NBAS: variants seen among roughly 807,000 people sequenced by gnomAD.
NBAS encodes the protein NAG/BC035112 fusion.
A neutral mutation model predicts 302.5 loss-of-function variants in NBAS; 219 were observed. The observed-to-expected ratio is 0.72, with a 90% confidence interval of 0.65 to 0.81. NBAS has a LOEUF of 0.81. Ranked by LOEUF, NBAS falls within the 30% of genes least tolerant of loss-of-function variation. NBAS has a pLI of 0.00. For synonymous variants in NBAS, 1,118 were observed against 1,021.6 expected (o/e 1.09, Z -1.80); for missense variants, 2,932 against 2,841.6 (o/e 1.03, Z -0.72).
the NBAS span, among the ~76,000 whole-genome samples, chr2:14,926,588 G>C: frequency 6.6e-6 from 1 of 152,042 alleles, no homozygotes. Flanking sequence ...TAAATTATGC[G>C]TAACATAAAA....
chr2:15,256,012 G>C (rs1668574207), intron 44 of NBAS, among the ~76,000 whole-genome samples: 1 of 151,936 alleles, frequency 6.6e-6, no homozygotes, highest in Non-Finnish European at 1.5e-5. Context: ...TTTGTTTTTT[G>C]TTTAGTCTTG....
chr2:15,424,744 C>A (rs1384917026), intron 22 of NBAS, among the ~76,000 whole-genome samples: 1 of 152,080 alleles, frequency 6.6e-6, no homozygotes, highest in Non-Finnish European at 1.5e-5. Context: ...CAAATAAGTA[C>A]TAACAAAATC....
chr2:14,787,081 C>T, the NBAS span, among the ~76,000 whole-genome samples: 2 of 152,028 alleles, frequency 1.3e-5, no homozygotes, highest in South Asian at 2.1e-4. Context: ...ATGTAATGGC[C>T]TCTTTGTCTC....
the NBAS span, among the ~76,000 whole-genome samples, chr2:14,961,392 T>A: frequency 6.6e-6 from 1 of 151,816 alleles, no homozygotes; most frequent in South Asian, 2.1e-4. Flanking sequence ...AAGTAATGAG[T>A]GAGTTACTGC....
chr2:14,964,107 G>A, the NBAS span, among the ~76,000 whole-genome samples: 2 of 152,142 alleles, frequency 1.3e-5, no homozygotes, highest in Admixed American at 1.3e-4. Flanking sequence ...ACCAAACACT[G>A]AACAAGGTAA....
the NBAS span, among the ~76,000 whole-genome samples, chr2:14,936,737 A>T: frequency 6.6e-6 from 1 of 152,272 alleles, no homozygotes; most frequent in Admixed American, 6.5e-5. Flanking sequence ...TACGTGCTGG[A>T]AAGACACAGG....
chr2:14,900,382 C>T, the NBAS span, among the ~76,000 whole-genome samples: 1 of 151,414 alleles, frequency 6.6e-6, no homozygotes, highest in African/African-American at 2.4e-5. Context: ...TACTCTGTTC[C>T]AAGAAGAAAA....
At chr2:14,846,384 T>C in the NBAS span, among the ~76,000 whole-genome samples, 2 of 149,340 alleles carry the variant, frequency 1.3e-5, no homozygotes, top group African/African-American at 2.5e-5. Context: ...AGACAAAAGC[T>C]GAGGGATTTC....
At chr2:15,285,081 A>G (rs763919124) in intron 42 of NBAS, among the ~76,000 whole-genome samples, 1 of 152,208 alleles carries the variant, frequency 6.6e-6, no homozygotes, top group Non-Finnish European at 1.5e-5. Context: ...ATATTTTTAA[A>G]TGCCAGTGTG....
At chr2:15,110,632 A>C in the NBAS span, among the ~76,000 whole-genome samples, 1 of 152,136 alleles carries the variant, frequency 6.6e-6, no homozygotes, top group African/African-American at 2.4e-5. Flanking sequence ...CTGTCAGAGG[A>C]TATCCCTCTC....
the NBAS span, among the ~76,000 whole-genome samples, chr2:15,034,687 T>A: frequency 6.6e-6 from 1 of 152,156 alleles, no homozygotes; most frequent in Non-Finnish European, 1.5e-5. Context: ...TACTCCCTAG[T>A]ATTTTTTTCT....
chr2:15,100,164 G>A, the NBAS span, among the ~76,000 whole-genome samples: 1 of 152,138 alleles, frequency 6.6e-6, no homozygotes, highest in African/African-American at 2.4e-5. Context: ...CATTCTGGGG[G>A]CCCTGATGTA....
At chr2:14,906,731 T>C in the NBAS span, among the ~76,000 whole-genome samples, 1 of 152,160 alleles carries the variant, frequency 6.6e-6, no homozygotes, top group Non-Finnish European at 1.5e-5. Flanking sequence ...GCTTTCTCCA[T>C]TATTCTCCGA....
the NBAS span, among the ~76,000 whole-genome samples, chr2:15,067,673 G>T: frequency 6.6e-6 from 1 of 151,916 alleles, no homozygotes; most frequent in Non-Finnish European, 1.5e-5. Context: ...TAGGGGCTGT[G>T]GGGGAGGGGG....
intron 40 of NBAS, among the ~76,000 whole-genome samples, chr2:15,302,168 G>A (rs1023157245): frequency 3.3e-5 from 5 of 152,226 alleles, no homozygotes; most frequent in African/African-American, 9.6e-5. Flanking sequence ...CCCACTCACT[G>A]GTGATGTATC....
intron 21 of NBAS, among the ~76,000 whole-genome samples, chr2:15,438,855 G>C (rs1473324442): frequency 6.6e-6 from 1 of 152,160 alleles, no homozygotes; most frequent in Admixed American, 6.5e-5. Flanking sequence ...ATCACACAAG[G>C]ATGGGGAAAC....
At chr2:15,471,591 A>T (rs1679957881) in intron 16 of NBAS, among the ~76,000 whole-genome samples, 1 of 152,232 alleles carries the variant, frequency 6.6e-6, no homozygotes, top group Non-Finnish European at 1.5e-5. Flanking sequence ...TCTTACAAAG[A>T]TGCCAAAGGT....
At chr2:15,456,648 G>A (rs1047030219) in intron 21 of NBAS, among the ~76,000 whole-genome samples, 6 of 152,160 alleles carry the variant, frequency 3.9e-5, no homozygotes, top group African/African-American at 1.4e-4. Context: ...CTAACTGCAG[G>A]AGATAAGGAT....
chr2:15,274,404 A>G (rs1429840728), intron 44 of NBAS, among the ~76,000 whole-genome samples: 2 of 152,210 alleles, frequency 1.3e-5, no homozygotes, highest in African/African-American at 4.8e-5. Context: ...GGTGACTTGC[A>G]CGGAAGGAGA....
Sources: gnomAD v4.1 joint callset for allele counts (sites outside exome capture counted in the v4.1 genomes callset) on GRCh38, gnomAD v4.1.1 for gene constraint, MANE v1.5 for transcripts, NCBI Gene and HGNC (gene_info 2026-07-23, HGNC 2026-07-21) for gene names.